FGGY: variants seen among roughly 807,000 people sequenced by gnomAD.
The protein encoded by FGGY is FGGY carbohydrate kinase domain containing.
A neutral mutation model predicts 71.3 loss-of-function variants in FGGY; 72 were observed. That is an observed-to-expected ratio of 1.01 (90% CI 0.84 to 1.23). The LOEUF (loss-of-function observed/expected upper bound fraction) is 1.23, where lower values mean the gene tolerates loss of function less well. Ranked by LOEUF, FGGY falls within the 50% of genes most tolerant of loss-of-function variation. The probability of loss-of-function intolerance (pLI) is 0.00; values close to 1 mark genes in which losing one functional copy is unlikely to be tolerated. For synonymous variants in FGGY, 251 were observed against 250.3 expected, an observed-to-expected ratio of 1.00 and a Z score of -0.02; for missense variants, 668 against 682.3, an observed-to-expected ratio of 0.98 and a Z score of 0.23.
chr1:59,487,469 G>A (rs1435729891), intron 6 of FGGY, among the ~76,000 whole-genome samples: 1 of 152,188 alleles, frequency 6.6e-6, no homozygotes, highest in Non-Finnish European at 1.5e-5. Context: ...CTGTGGCCCA[G>A]CACCTGCATG....
At chr1:59,617,143 T>A (rs1047283154) in intron 9 of FGGY, among the ~76,000 whole-genome samples, 6 of 152,006 alleles carry the variant, frequency 3.9e-5, no homozygotes, top group Non-Finnish European at 2.9e-5. Context: ...AGGTGTCTGC[T>A]CCAGTAGTAC....
At chr1:59,465,007 AT>A (rs2092523527) in intron 6 of FGGY, among the ~76,000 whole-genome samples, 1 of 152,222 alleles carries the variant, frequency 6.6e-6, no homozygotes, top group Non-Finnish European at 1.5e-5. Context: ...TCCCTAATTC[AT>A]TTTATGAGGC....
intron 7 of FGGY, among the ~76,000 whole-genome samples, chr1:59,548,686 A>G (rs1253576372): frequency 6.6e-6 from 1 of 152,218 alleles, no homozygotes; most frequent in Non-Finnish European, 1.5e-5. Context: ...TTAAATGTGA[A>G]TTAATTAGGA....
At chr1:59,456,033 T>C (rs1334094452) in intron 5 of FGGY, among the ~76,000 whole-genome samples, 1 of 152,242 alleles carries the variant, frequency 6.6e-6, no homozygotes, top group African/African-American at 2.4e-5. Flanking sequence ...ACCATACTCT[T>C]TATTATCTCC....
chr1:59,674,923 A>G (rs1404477563), intron 14 of FGGY, among the ~76,000 whole-genome samples: 2 of 152,214 alleles, frequency 1.3e-5, no homozygotes, highest in East Asian at 1.9e-4. Context: ...TTGATTACCT[A>G]CCAGCTCTTG....
At chr1:59,372,731 C>T (rs1162505057) in intron 4 of FGGY, among the ~76,000 whole-genome samples, 1 of 152,130 alleles carries the variant, frequency 6.6e-6, no homozygotes, top group Non-Finnish European at 1.5e-5. Flanking sequence ...GGCCGTCATC[C>T]CTGGGATGTA....
At chr1:59,624,320 T>C (rs887075198) in intron 9 of FGGY, among the ~76,000 whole-genome samples, 6 of 152,188 alleles carry the variant, frequency 3.9e-5, no homozygotes, top group African/African-American at 1.4e-4. Context: ...TACTGTGACC[T>C]TGGGCAAGAT....
intron 8 of FGGY, among the ~76,000 whole-genome samples, chr1:59,604,778 G>A (rs2096607775): frequency 6.6e-6 from 1 of 152,158 alleles, no homozygotes; most frequent in Admixed American, 6.5e-5. Context: ...GTCAAATGGG[G>A]CCAAGAGTTC....
intron 6 of FGGY, among the ~76,000 whole-genome samples, chr1:59,492,306 T>G (rs776723160): frequency 6.1e-4 from 93 of 152,162 alleles, no homozygotes; most frequent in Non-Finnish European, 1.1e-3. Flanking sequence ...AGGTGATCCT[T>G]GGCTGTCTGT....
intron 14 of FGGY, among the ~76,000 whole-genome samples, chr1:59,741,782 C>T (rs55869769): frequency 6.6e-6 from 1 of 151,844 alleles, no homozygotes; most frequent in African/African-American, 2.4e-5. Flanking sequence ...TAAAAAAATA[C>T]AAAAAAATTA....
intron 8 of FGGY, among the ~76,000 whole-genome samples, chr1:59,602,567 T>C (rs1334874162): frequency 6.6e-6 from 1 of 152,326 alleles, no homozygotes; most frequent in African/African-American, 2.4e-5. Context: ...CCATGCGATC[T>C]TTTATTTAAA....
intron 14 of FGGY, among the ~76,000 whole-genome samples, chr1:59,756,522 TA>T (rs2098293139): frequency 6.6e-6 from 1 of 152,238 alleles, no homozygotes; most frequent in Non-Finnish European, 1.5e-5. Context: ...TTGATCACAG[TA>T]AATGTCTTTT....
chr1:59,342,938 C>T, intron 3 of FGGY, among the ~76,000 whole-genome samples: 1 of 152,140 alleles, frequency 6.6e-6, no homozygotes, highest in East Asian at 1.9e-4. Context: ...ACTCTTCTTC[C>T]TTAAAGATCA....
chr1:59,500,029 C>T (rs2094175891), intron 6 of FGGY, among the ~76,000 whole-genome samples: 2 of 152,166 alleles, frequency 1.3e-5, no homozygotes, highest in Admixed American at 6.5e-5. Flanking sequence ...ATTTTGCCTA[C>T]AACCCTGACT....
chr1:59,436,250 TC>T (rs1280587770), intron 5 of FGGY, among the ~76,000 whole-genome samples: 1 of 152,080 alleles, frequency 6.6e-6, no homozygotes, highest in Non-Finnish European at 1.5e-5. Flanking sequence ...TCCCTGCTCT[TC>T]CTTATGTTCT....
chr1:59,463,524 AT>A (rs1373863070), intron 6 of FGGY, among the ~76,000 whole-genome samples: 1 of 152,190 alleles, frequency 6.6e-6, no homozygotes, highest in Non-Finnish European at 1.5e-5. Flanking sequence ...TTAACCTTAA[AT>A]TTAAATGGGC....
intron 7 of FGGY, among the ~76,000 whole-genome samples, chr1:59,536,248 C>T (rs1225506749): frequency 3.9e-5 from 6 of 152,074 alleles, no homozygotes; most frequent in East Asian, 3.9e-4. Flanking sequence ...ATAAATTCCT[C>T]GACACATACA....
intron 6 of FGGY, among the ~76,000 whole-genome samples, chr1:59,463,915 G>A (rs2092436322): frequency 6.6e-6 from 1 of 152,148 alleles, no homozygotes; most frequent in Non-Finnish European, 1.5e-5. Flanking sequence ...CAATAATAAT[G>A]TGAGACTTTA....
In FGGY at chr1:59,481,759, CTAAG is replaced by C. The variant is rs375873815; in HGVS notation, c.670+24688_670+24691del. On this transcript the variant is annotated intron_variant, in intron 6 of 15. Coordinates refer to ENST00000303721, the MANE Select transcript of FGGY (RefSeq NM_018291.5). The stretch of plus-strand genomic sequence containing the variant: ...GTATTGTATTTGCAAGGCCAGCGGT[CTAAG>C]TAAGAGATTAAACTGAACAGATTTC... Among the ~76,000 whole-genome samples, 9 of 152,206 alleles carry C rather than the reference CTAAG, an allele frequency of 5.9e-5. No individual in the cohort carries two copies. In the South Asian group the frequency reaches 1.7e-3, roughly 28 times the overall value.
Sources: allele counts gnomAD v4.1 joint callset (sites outside exome capture counted in the v4.1 genomes callset), GRCh38; gene constraint gnomAD v4.1.1; transcripts MANE v1.5; gene names NCBI Gene and HGNC (gene_info 2026-07-23, HGNC 2026-07-21).